Variants in TTC28 observed in about 807,000 individuals in gnomAD.
The protein encoded by TTC28 is tetratricopeptide repeat domain 28.
A neutral mutation model predicts 198.0 loss-of-function variants in TTC28; 61 were observed. That is an observed-to-expected ratio of 0.31 (90% CI 0.25 to 0.38). The LOEUF is 0.38. Among genes scored for constraint, TTC28 ranks in the 10% least tolerant of loss-of-function variants. The pLI is 1.00. For missense variants in TTC28, 2,678 were observed against 3,164.0 expected, an observed-to-expected ratio of 0.85 and a Z score of 3.69; for synonymous variants, 1,171 against 1,297.8, an observed-to-expected ratio of 0.90 and a Z score of 2.10.
chr22:28,418,507 A>G (rs2047199103), intron 2 of TTC28, among the ~76,000 whole-genome samples: 2 of 152,230 alleles, frequency 1.3e-5, no homozygotes, highest in Non-Finnish European at 2.9e-5. Context: ...TAATAATGGT[A>G]TAGGAACTTA....
chr22:28,432,272 C>T (rs985228853), intron 2 of TTC28, among the ~76,000 whole-genome samples: 11 of 149,806 alleles, frequency 7.3e-5, no homozygotes, highest in Admixed American at 2.0e-4. Flanking sequence ...GGTGACAGAG[C>T]GAGACTCTGT....
chr22:28,496,602 C>G (rs1459420217), intron 2 of TTC28, among the ~76,000 whole-genome samples: 4 of 152,002 alleles, frequency 2.6e-5, no homozygotes, highest in African/African-American at 9.7e-5. Flanking sequence ...TTCACCAATG[C>G]CACTGCTAAT....
intron 18 of TTC28, chr22:27,992,962 G>A (rs577437609): frequency 3.6e-6 from 2 of 554,512 alleles, no homozygotes; most frequent in East Asian, 3.0e-5. Flanking sequence ...GGGGTTGGCC[G>A]CACAGCTTCA....
chr22:28,023,020 T>C (rs1185213946), intron 13 of TTC28, among the ~76,000 whole-genome samples: 1 of 152,186 alleles, frequency 6.6e-6, no homozygotes, highest in Non-Finnish European at 1.5e-5. Context: ...GCCACAAGGC[T>C]GGGCAGGTAC....
At chr22:28,161,798 AAGGG>A (rs545714724) in intron 6 of TTC28, among the ~76,000 whole-genome samples, 1 of 140,444 alleles carries the variant, frequency 7.1e-6, no homozygotes, top group Non-Finnish European at 1.6e-5. Flanking sequence ...GGAAGGGAGG[AAGGG>A]AGGGAGGGAA....
chr22:28,033,028 G>A (rs890629406), intron 12 of TTC28, among the ~76,000 whole-genome samples: 3 of 152,132 alleles, frequency 2.0e-5, no homozygotes, highest in African/African-American at 7.2e-5. Flanking sequence ...TCTGTCCAGG[G>A]ACACATTTAT....
At chr22:28,494,707 G>C (rs1437612718) in intron 2 of TTC28, among the ~76,000 whole-genome samples, 3 of 151,756 alleles carry the variant, frequency 2.0e-5, no homozygotes, top group African/African-American at 7.3e-5. Flanking sequence ...ATAAACTTCA[G>C]TTTATCTTTT....
intron 2 of TTC28, among the ~76,000 whole-genome samples, chr22:28,445,535 C>G (rs1202428491): frequency 6.6e-6 from 1 of 152,152 alleles, no homozygotes; most frequent in Non-Finnish European, 1.5e-5. Context: ...CTGTAATGCC[C>G]TTCAAGATCT....
intron 2 of TTC28, among the ~76,000 whole-genome samples, chr22:28,492,865 C>A (rs756128491): frequency 6.6e-6 from 1 of 151,966 alleles, no homozygotes. Context: ...GCAGAAAATA[C>A]ACGAAATGTT....
At chr22:28,261,506 T>C (rs1931319189) in intron 5 of TTC28, among the ~76,000 whole-genome samples, 1 of 152,128 alleles carries the variant, frequency 6.6e-6, no homozygotes, top group Non-Finnish European at 1.5e-5. Flanking sequence ...CTATGTGAGA[T>C]GAGAAGCTAC....
At chr22:28,635,302 C>T (rs1432357958) in intron 1 of TTC28, among the ~76,000 whole-genome samples, 1 of 152,076 alleles carries the variant, frequency 6.6e-6, no homozygotes. Context: ...GCCTGGGCAA[C>T]AGAGCAAGAC....
At chr22:28,052,956 G>C (rs951007624) in intron 12 of TTC28, among the ~76,000 whole-genome samples, 13 of 152,340 alleles carry the variant, frequency 8.5e-5, no homozygotes, top group African/African-American at 3.1e-4. Flanking sequence ...GAAAGGACCA[G>C]CCAGGCGCTG....
Position 28,575,672 on chromosome 22 carries a change from T to C in TTC28, c.381+53880A>G, listed in dbSNP as rs538001454. Among the ~76,000 whole-genome samples the C allele has an allele frequency of 3.9e-5, 6 of 152,328 alleles. No homozygotes were observed. In the South Asian group the frequency reaches 6.2e-4, roughly 16 times the overall value. On this transcript the variant is annotated intron_variant, in intron 2 of 22. Coordinates refer to ENST00000397906, the MANE Select transcript of TTC28 (RefSeq NM_001145418.2). ...AATATCATTCCAATTTTTTGTGCCCTCTTCAGTTTCTTTCACCAGTGTTTT... is the reference window on the plus strand; with the variant it reads ...AATATCATTCCAATTTTTTGTGCCCCCTTCAGTTTCTTTCACCAGTGTTTT...
intron 2 of TTC28, among the ~76,000 whole-genome samples, chr22:28,507,165 T>C (rs570806499): frequency 2.0e-5 from 3 of 152,232 alleles, no homozygotes; most frequent in South Asian, 2.1e-4. Flanking sequence ...ACAATCATGA[T>C]AAAATACAGG....
intron 2 of TTC28, among the ~76,000 whole-genome samples, chr22:28,467,467 T>C (rs890708717): frequency 3.3e-5 from 5 of 152,208 alleles, no homozygotes; most frequent in Non-Finnish European, 5.9e-5. Flanking sequence ...AATAATTCTA[T>C]ATTTATTGAT....
Position 28,220,296 on chromosome 22 carries a change from C to G in TTC28, c.934-56697G>C, listed in dbSNP as rs742233. Among the ~76,000 whole-genome samples the G allele has an allele frequency of 3.9e-3, 592 of 152,274 alleles. 5 individuals carry two copies. Among genetic ancestry groups the G allele is most frequent in the African/African-American group, 0.013 (558 of 41,556 alleles). On this transcript the variant is annotated intron_variant, in intron 5 of 22. Transcript: ENST00000397906. ...TATCTATTGCTGAGTAACAATATTTCCACAGTTTCAGTAGCTTAAAATAAC... is the reference window on the plus strand; with the variant it reads ...TATCTATTGCTGAGTAACAATATTTGCACAGTTTCAGTAGCTTAAAATAAC...
chr22:28,085,951 A>G (rs1941576044), intron 12 of TTC28, among the ~76,000 whole-genome samples: 1 of 152,326 alleles, frequency 6.6e-6, no homozygotes, highest in East Asian at 1.9e-4. Context: ...CAATTCAACA[A>G]GAAGAGCTAA....
chr22:28,137,874 G>A (rs1242946212), intron 6 of TTC28, among the ~76,000 whole-genome samples: 1 of 152,206 alleles, frequency 6.6e-6, no homozygotes, highest in Non-Finnish European at 1.5e-5. Flanking sequence ...AATCAGCAGA[G>A]CATAGTGGTG....
intron 12 of TTC28, among the ~76,000 whole-genome samples, chr22:28,062,253 G>A (rs1488188277): frequency 2.0e-5 from 3 of 151,862 alleles, no homozygotes; most frequent in East Asian, 1.9e-4. Context: ...AGAGACGGGG[G>A]TTTCACCATG....
Sources: gnomAD v4.1 joint callset for allele counts (sites outside exome capture counted in the v4.1 genomes callset) on GRCh38, gnomAD v4.1.1 for gene constraint, MANE v1.5 for transcripts, NCBI Gene and HGNC (gene_info 2026-07-23, HGNC 2026-07-21) for gene names.